LUZP2: variants seen among roughly 807,000 people sequenced by gnomAD.
The protein encoded by LUZP2 is leucine zipper protein 2.
A neutral mutation model predicts 51.6 loss-of-function variants in LUZP2; 52 were observed. The ratio of observed to expected loss-of-function variants is 1.01; its 90% confidence interval spans 0.81 to 1.27. LUZP2 has a LOEUF of 1.27. Among genes scored for constraint, LUZP2 ranks in the 50% most tolerant of loss-of-function variants. The pLI is 0.00. For missense variants in LUZP2, 436 were observed against 395.4 expected (o/e 1.10, Z -0.87); for synonymous variants, 154 against 137.3 (o/e 1.12, Z -0.85).
In LUZP2 at chr11:24,550,078, C is replaced by T. The variant is rs553201669; in HGVS notation, c.62+52773C>T. ...AAATATTCCTACAATTATGTGAAAT[C>T]TTTACATGGCTTGGGATTTGAGAAC... On this transcript the variant is annotated intron_variant, in intron 1 of 11. Transcript: ENST00000336930. Among the ~76,000 whole-genome samples the T allele has an allele frequency of 9.9e-5, 15 of 152,088 alleles. No individual in the cohort carries two copies. The East Asian group carries it at 2.9e-3, about 29-fold the overall frequency.
intron 9 of LUZP2, among the ~76,000 whole-genome samples, chr11:24,984,956 A>G (rs1026728801): frequency 2.0e-5 from 3 of 151,570 alleles, no homozygotes; most frequent in African/African-American, 7.3e-5. Context: ...GTCTGTGCTT[A>G]GCTCATTGAT....
At chr11:24,836,911 T>G (rs1467295728) in intron 5 of LUZP2, among the ~76,000 whole-genome samples, 1 of 151,832 alleles carries the variant, frequency 6.6e-6, no homozygotes, top group Non-Finnish European at 1.5e-5. Flanking sequence ...AAAGTTGAGA[T>G]CCTCATTAGC....
chr11:25,008,452 C>G (rs1414671976), intron 9 of LUZP2, among the ~76,000 whole-genome samples: 2 of 152,176 alleles, frequency 1.3e-5, no homozygotes, highest in African/African-American at 4.8e-5. Context: ...GTTTGTGTTA[C>G]AGCTTGTTTG....
chr11:24,692,150 C>A (rs35410811), intron 1 of LUZP2, among the ~76,000 whole-genome samples: 6,194 of 151,528 alleles, frequency 0.041, 144 homozygotes, highest in African/African-American at 0.06. Context: ...GCATCAGCTT[C>A]TTCAGGGATG....
chr11:24,921,641 C>G lies in LUZP2; in HGVS notation c.522+7103C>G, dbSNP rs182753497. ...GAACATTTCCACTGAGAACCTTTAC[C>G]CTTACTTTCTCCCTAAAAATTATTT... On this transcript the variant is annotated intron_variant, in intron 7 of 11. Coordinates refer to ENST00000336930, the MANE Select transcript of LUZP2 (RefSeq NM_001009909.4). Among the ~76,000 whole-genome samples, 149 of 152,006 alleles carry G rather than the reference C, an allele frequency of 9.8e-4. 3 individuals are homozygous for G. The highest frequency in any genetic ancestry group is 1.5e-4 in the Non-Finnish European group (10 of 67,972).
chr11:24,675,832 T>A (rs994249416), intron 1 of LUZP2, among the ~76,000 whole-genome samples: 1 of 150,466 alleles, frequency 6.6e-6, no homozygotes, highest in Non-Finnish European at 1.5e-5. Flanking sequence ...TATTTATTTA[T>A]TTTTGAGACA....
At chr11:24,923,302 A>C (rs1322068928) in intron 7 of LUZP2, among the ~76,000 whole-genome samples, 2 of 152,160 alleles carry the variant, frequency 1.3e-5, no homozygotes, top group Non-Finnish European at 2.9e-5. Flanking sequence ...GAAAAATCAA[A>C]ATCTTCGGTC....
chr11:24,620,588 C>T, intron 1 of LUZP2, among the ~76,000 whole-genome samples: 1 of 152,138 alleles, frequency 6.6e-6, no homozygotes, highest in South Asian at 2.1e-4. Context: ...ATGTCAAAAT[C>T]CTAAATTCAA....
chr11:25,030,441 A>G (rs181727138), intron 9 of LUZP2, among the ~76,000 whole-genome samples: 127 of 152,262 alleles, frequency 8.3e-4, no homozygotes, highest in Admixed American at 1.9e-3. Flanking sequence ...ATATAGAACT[A>G]GAAGTGAGTT....
At chr11:25,077,455 C>A (rs201299845) in intron 11 of LUZP2, 49 bp downstream of exon 11, 2 of 854,014 alleles carry the variant, frequency 2.3e-6, no homozygotes, top group South Asian at 5.0e-5. Flanking sequence ...TTATTGGATC[C>A]ATTGTATTTA....
intron 1 of LUZP2, among the ~76,000 whole-genome samples, chr11:24,711,705 T>G (rs1437558568): frequency 6.6e-6 from 1 of 152,086 alleles, no homozygotes; most frequent in African/African-American, 2.4e-5. Flanking sequence ...ACACATAATT[T>G]TATATAAAGG....
At position 24,546,621 on chromosome 11, in the gene LUZP2, GC is replaced by G. The variant is rs1234300416; in HGVS notation, c.62+49319del. 1.0e-3 allele frequency among the ~76,000 whole-genome samples: 156 copies of G among 152,134 alleles called. 1 individual carries two copies. The highest frequency in any genetic ancestry group is 1.5e-3 in the Non-Finnish European group (105 of 67,976). ...ACCAACTTTGCATCCCAGGGATAAA[GC>G]CCACTTTACTGTGGTGAATAAGCTT... On this transcript the variant is annotated intron_variant, in intron 1 of 11. Coordinates refer to ENST00000336930, the MANE Select transcript of LUZP2 (RefSeq NM_001009909.4).
chr11:24,799,932 G>T (rs1394848940), intron 5 of LUZP2, among the ~76,000 whole-genome samples: 2 of 152,098 alleles, frequency 1.3e-5, no homozygotes, highest in Non-Finnish European at 2.9e-5. Context: ...ATTGATTGCT[G>T]CAATAAATGA....
At chr11:24,909,560 C>G (rs1853562704) in intron 6 of LUZP2, among the ~76,000 whole-genome samples, 1 of 151,440 alleles carries the variant, frequency 6.6e-6, no homozygotes, top group Non-Finnish European at 1.5e-5. Flanking sequence ...GTAAACGAGT[C>G]CTAGACAGCA....
intron 4 of LUZP2, among the ~76,000 whole-genome samples, chr11:24,758,047 G>A (rs938524278): frequency 5.3e-5 from 8 of 151,862 alleles, no homozygotes; most frequent in Non-Finnish European, 8.8e-5. Flanking sequence ...CTCTCATCTC[G>A]TTATGTGAGC....
At chr11:24,607,580 G>A (rs1853970899) in intron 1 of LUZP2, among the ~76,000 whole-genome samples, 1 of 151,694 alleles carries the variant, frequency 6.6e-6, no homozygotes, top group Non-Finnish European at 1.5e-5. Context: ...AAAGTATAGT[G>A]CCTTCGACTG....
chr11:24,609,485 G>A (rs889031897), intron 1 of LUZP2, among the ~76,000 whole-genome samples: 1 of 152,028 alleles, frequency 6.6e-6, no homozygotes, highest in Admixed American at 6.6e-5. Flanking sequence ...CAGCAGTTTG[G>A]GAGGCTGAGG....
At chr11:24,915,157 TAATGTATAC>T (rs1409595196) in intron 7 of LUZP2, among the ~76,000 whole-genome samples, 3 of 152,164 alleles carry the variant, frequency 2.0e-5, no homozygotes, top group Admixed American at 2.0e-4. Context: ...AGAATTCCTT[TAATGTATAC>T]AATACCCACA....
intron 1 of LUZP2, among the ~76,000 whole-genome samples, chr11:24,561,646 G>A (rs1372691846): frequency 1.3e-5 from 2 of 152,032 alleles, no homozygotes; most frequent in Non-Finnish European, 2.9e-5. Context: ...CACAGGGAGA[G>A]GAACATCACA....
Sources: allele counts gnomAD v4.1 joint callset (sites outside exome capture counted in the v4.1 genomes callset), GRCh38; gene constraint gnomAD v4.1.1; transcripts MANE v1.5; gene names NCBI Gene and HGNC (gene_info 2026-07-23, HGNC 2026-07-21).